The following WRN variants were observed in gnomAD, a reference collection of about 807,000 sequenced individuals.
The protein encoded by WRN is WRN RecQ like helicase, also known as bifunctional 3'-5' exonuclease/ATP-dependent helicase WRN.
Under a neutral mutation model 180.7 loss-of-function variants are expected in WRN, and 149 were observed. That is an observed-to-expected ratio of 0.82 (90% CI 0.72 to 0.94). WRN has a LOEUF of 0.94. Ranked by LOEUF, WRN falls within the 40% of genes least tolerant of loss-of-function variation. The pLI, the probability that WRN is intolerant of heterozygous loss-of-function variation, is 0.00. For missense variants in WRN, 1,661 were observed against 1,700.1 expected, an observed-to-expected ratio of 0.98 and a Z score of 0.40; for synonymous variants, 548 against 568.9, an observed-to-expected ratio of 0.96 and a Z score of 0.52.
chr8:31,124,175 G>A (rs1801830037), intron 21 of WRN, among the ~76,000 whole-genome samples: 1 of 152,022 alleles, frequency 6.6e-6, no homozygotes, highest in South Asian at 2.1e-4. Context: ...ATAAATTGTA[G>A]AAGCATTGTT....
rs1001988186 is a variant in WRN, at chr8:31,080,983, C to A, written c.956C>A (p.Ser319Tyr). 2.5e-6 allele frequency: 4 copies of A among 1,613,728 alleles called. No individual in the cohort carries two copies. The highest frequency in any genetic ancestry group is 3.4e-6 in the Non-Finnish European group (4 of 1,179,916). The change falls in exon 9 of 35, where the codon TCC (serine) becomes TAC (tyrosine). Residue 319 changes from serine (S) to tyrosine (Y), a missense_variant. Coordinates refer to ENST00000298139, the MANE Select transcript of WRN (RefSeq NM_000553.6). ...LRPSNNLNLLSFEDSTTGGVQ... is the reference protein window; with the variant it reads ...LRPSNNLNLLYFEDSTTGGVQ... ...CCCAGCAATAATTTAAACTTATTATCCTTTGAAGATTCAACTACTGGGGGA... is the reference window on the plus strand; with the variant it reads ...CCCAGCAATAATTTAAACTTATTATACTTTGAAGATTCAACTACTGGGGGA...
chr8:31,081,315 G>A lies in WRN; in HGVS notation c.1269+19G>A, dbSNP rs774496769. 2.5e-6 allele frequency: 4 copies of A among 1,612,060 alleles called. No homozygotes were observed. Among genetic ancestry groups the A allele is most frequent in the South Asian group, 1.1e-5 (1 of 90,884 alleles). ...TACTGAGGTACTAAATAAAGAGGAA[G>A]CACATTTTTAGTTATTAGTAGGTTC... On this transcript the variant is annotated intron_variant, in intron 9 of 34. Coordinates refer to ENST00000298139, the MANE Select transcript of WRN (RefSeq NM_000553.6).
At chr8:31,047,298 G>A (rs113509070) in intron 1 of WRN, among the ~76,000 whole-genome samples, 6 of 151,920 alleles carry the variant, frequency 3.9e-5, no homozygotes, top group Admixed American at 6.5e-5. Flanking sequence ...GTGTGCCATC[G>A]CACCTGGCTC....
At chr8:31,167,281 A>G (rs771852775) in intron 34 of WRN, 51 bp downstream of exon 34, 17 of 1,462,466 alleles carry the variant, frequency 1.2e-5, no homozygotes, top group Non-Finnish European at 1.5e-5. Flanking sequence ...TTCAATTTGC[A>G]TATCCTAGTA....
intron 21 of WRN, among the ~76,000 whole-genome samples, chr8:31,122,860 G>GTTTTTTTTTTTTTT (rs71206298): frequency 5.3e-4 from 37 of 69,476 alleles, no homozygotes; most frequent in Non-Finnish European, 6.6e-4. Flanking sequence ...TTCTTTTCTT[G>GTTTTTTTTTTTTTT]TTTTTTTTTT....
In WRN at chr8:31,173,754, G is replaced by A. The variant is rs1198961100; in HGVS notation, c.*652G>A. 6.4e-6 allele frequency: 1 copy of A among 155,418 alleles called. No homozygotes were observed. The highest frequency in any genetic ancestry group is 2.4e-5 in the African/African-American group (1 of 41,514). The allele number at this position is 155,418 out of a possible 1,614,324, so 9.6% of individuals were successfully genotyped here. A position where few individuals can be genotyped will look rare whatever the true frequency, so the allele number is the denominator to read the frequency against. On this transcript the variant is annotated 3_prime_UTR_variant, in exon 35 of 35. Transcript: ENST00000298139. ...GTAATAAAACAATGTTTTTCATACTGAATATTATATATATATTTTTTAGCT... is the reference window on the plus strand; with the variant it reads ...GTAATAAAACAATGTTTTTCATACTAAATATTATATATATATTTTTTAGCT...
At chr8:31,144,847 G>A (rs1028418996) in intron 28 of WRN, among the ~76,000 whole-genome samples, 6 of 152,184 alleles carry the variant, frequency 3.9e-5, no homozygotes, top group African/African-American at 1.4e-4. Flanking sequence ...TGATAAGAAA[G>A]CAAAGCAGGC....
chr8:31,165,050 A>G lies in WRN; in HGVS notation c.3983-1972A>G, dbSNP rs186791706. Among the ~76,000 whole-genome samples, 233 of 152,250 alleles carry G rather than the reference A, an allele frequency of 1.5e-3. 1 individual carries two copies. Among genetic ancestry groups the G allele is most frequent in the African/African-American group, 5.3e-3 (220 of 41,580 alleles). ...TTATACATTTAACTTTAAATCATTA[A>G]TAGTGGTTTAACACCATAAGCGGAT... On this transcript the variant is annotated intron_variant, in intron 33 of 34. Coordinates refer to ENST00000298139, the MANE Select transcript of WRN (RefSeq NM_000553.6).
chr8:31,074,370 A>C (rs193217531), intron 7 of WRN, among the ~76,000 whole-genome samples: 2 of 152,336 alleles, frequency 1.3e-5, no homozygotes, highest in Admixed American at 1.3e-4. Context: ...AAATGGGAGT[A>C]GAGATCTGAA....
At chr8:31,109,853 T>C (rs4733224) in intron 18 of WRN, among the ~76,000 whole-genome samples, 50,174 of 151,960 alleles carry the variant, frequency 0.33, 8,646 homozygotes, top group South Asian at 0.42. Flanking sequence ...CAAAACAGAC[T>C]TTTTTCACTG....
rs186519451 is a variant in WRN, at chr8:31,091,157, A to T, written c.1829+215A>T. Among the ~76,000 whole-genome samples the T allele has an allele frequency of 2.6e-5, 4 of 152,156 alleles. No homozygotes were observed. In the East Asian group the frequency reaches 7.7e-4, roughly 29 times the overall value. On this transcript the variant is annotated intron_variant, in intron 15 of 34. Transcript: ENST00000298139. ...AAAGCTACCAGGTGGCCCTGATAAA[A>T]TTTTTTTAAAAAACATTATTACTTT...
chr8:31,045,228 G>A (rs143268287), intron 1 of WRN, among the ~76,000 whole-genome samples: 15 of 151,892 alleles, frequency 9.9e-5, no homozygotes, highest in Non-Finnish European at 1.3e-4. Context: ...ATGTATTTAC[G>A]GTGTACAACA....
At chr8:31,115,909 T>C (rs1448126831) in intron 19 of WRN, among the ~76,000 whole-genome samples, 2 of 152,224 alleles carry the variant, frequency 1.3e-5, no homozygotes. Flanking sequence ...CTTGCTTTAG[T>C]AAACATTTAG....
Position 31,143,592 on chromosome 8 carries a change from A to G in WRN, c.3352A>G (p.Ile1118Val). The change falls in exon 28 of 35, where the codon ATT (isoleucine) becomes GTT (valine). Residue 1118 changes from isoleucine (I) to valine (V), a missense_variant. By Grantham distance (29) the Ile-to-Val change is conservative (BLOSUM62 3). This residue lies in a region of WRN where 1,141 missense variants were observed against 1,149.4 expected (regional missense o/e 0.99). Coordinates refer to ENST00000298139, the MANE Select transcript of WRN (RefSeq NM_000553.6). Reference sequence around the variant, plus strand: ...ATATTCTTATAAACCATGTGATAAGATTTCTTCTGGGAGTAACATTTCTAA... The same window carrying G: ...ATATTCTTATAAACCATGTGATAAGGTTTCTTCTGGGAGTAACATTTCTAA... ...KLYSYKPCDK[I>V]SSGSNISKKS... is the part of the protein sequence containing the mutation. The G allele has an allele frequency of 6.3e-7, 1 of 1,591,250 alleles. No individual in the cohort carries two copies. The highest frequency in any genetic ancestry group is 1.1e-5 in the South Asian group (1 of 90,356).
At chr8:31,136,974 A>T (rs1038040698) in intron 24 of WRN, among the ~76,000 whole-genome samples, 8 of 152,122 alleles carry the variant, frequency 5.3e-5, no homozygotes, top group African/African-American at 1.2e-4. Flanking sequence ...ACACTTAAAC[A>T]ATTAACAGAG....
At chr8:31,092,539 G>A (rs933460163) in intron 16 of WRN, among the ~76,000 whole-genome samples, 40 of 150,650 alleles carry the variant, frequency 2.7e-4, no homozygotes, top group African/African-American at 9.5e-4. Context: ...GCATATATAT[G>A]CATGTTCTAA....
At chr8:31,134,631 T>C (rs1802328848) in intron 24 of WRN, among the ~76,000 whole-genome samples, 1 of 152,232 alleles carries the variant, frequency 6.6e-6, no homozygotes, top group African/African-American at 2.4e-5. Flanking sequence ...AACACACTCA[T>C]TAATTTACAT....
chr8:31,172,409 T>C (rs10954781), intron 34 of WRN, among the ~76,000 whole-genome samples: 44,353 of 152,054 alleles, frequency 0.29, 6,618 homozygotes, highest in South Asian at 0.34. Context: ...CGTGTATGTT[T>C]CTCTTTTTTT....
At chr8:31,101,548 A>G (rs888948552) in intron 18 of WRN, among the ~76,000 whole-genome samples, 1 of 152,128 alleles carries the variant, frequency 6.6e-6, no homozygotes, top group Non-Finnish European at 1.5e-5. Flanking sequence ...GCACTTTGGG[A>G]GGCCGAGGTG....
Sources: gnomAD v4.1 joint callset for allele counts (sites outside exome capture counted in the v4.1 genomes callset) on GRCh38, gnomAD v4.1.1 for gene constraint, gnomAD v4.1.1 regional missense constraint, MANE v1.5 for transcripts, NCBI Gene and HGNC (gene_info 2026-07-23, HGNC 2026-07-21) for gene names.